Variants in TOX observed in about 807,000 individuals in gnomAD.
The protein encoded by TOX is thymocyte selection associated high mobility group box.
TOX carries 11 observed loss-of-function variants against 53.7 expected under a neutral mutation model. That is an observed-to-expected ratio of 0.20 (90% CI 0.13 to 0.34). TOX has a LOEUF of 0.34. Ranked by LOEUF, TOX falls within the 10% of genes least tolerant of loss-of-function variation. The pLI is 1.00. For synonymous variants in TOX, 225 were observed against 245.3 expected (o/e 0.92, Z 0.77); for missense variants, 570 against 664.6 (o/e 0.86, Z 1.56).
At chr8:59,049,841 A>T (rs1803757085) in intron 1 of TOX, among the ~76,000 whole-genome samples, 1 of 152,160 alleles carries the variant, frequency 6.6e-6, no homozygotes, top group Non-Finnish European at 1.5e-5. Context: ...TTGAAATATG[A>T]GTATTTAGAA....
rs1804938262 is a variant in TOX, at chr8:59,107,664, A to G, written c.102+11222T>C. Reference sequence around the variant, plus strand: ...ACTACAATTTCCCACTACCAGATAGAGAGAGAGTTGGGGACTCCAGCAGTG... The same window carrying G: ...ACTACAATTTCCCACTACCAGATAGGGAGAGAGTTGGGGACTCCAGCAGTG... On this transcript the variant is annotated intron_variant, in intron 1 of 8. Coordinates refer to ENST00000361421, the MANE Select transcript of TOX (RefSeq NM_014729.3). 2.0e-5 allele frequency among the ~76,000 whole-genome samples: 3 copies of G among 152,300 alleles called. No individual in the cohort carries two copies. The South Asian group carries it at 6.2e-4, about 32-fold the overall frequency.
At chr8:58,824,864 A>G in intron 6 of TOX, among the ~76,000 whole-genome samples, 1 of 152,104 alleles carries the variant, frequency 6.6e-6, no homozygotes, top group Non-Finnish European at 1.5e-5. Flanking sequence ...TGAATATACA[A>G]ATGGGGGGTG....
intron 3 of TOX, among the ~76,000 whole-genome samples, chr8:58,884,828 TCA>T (rs1811440534): frequency 6.6e-6 from 1 of 152,188 alleles, no homozygotes; most frequent in Non-Finnish European, 1.5e-5. Flanking sequence ...ACTTTTATAG[TCA>T]CAATCACTTC....
intron 1 of TOX, among the ~76,000 whole-genome samples, chr8:59,092,133 T>C (rs1189095270): frequency 1.3e-5 from 2 of 149,830 alleles, no homozygotes; most frequent in Non-Finnish European, 3.0e-5. Flanking sequence ...GCACCTGTAA[T>C]CCCAGCTACT....
At chr8:59,000,612 CTT>C (rs1813673017) in intron 1 of TOX, among the ~76,000 whole-genome samples, 1 of 152,154 alleles carries the variant, frequency 6.6e-6, no homozygotes. Context: ...GTATAATTAA[CTT>C]GACTCAAATC....
chr8:58,924,213 T>A (rs750111906), intron 3 of TOX, among the ~76,000 whole-genome samples: 1 of 152,200 alleles, frequency 6.6e-6, no homozygotes, highest in African/African-American at 2.4e-5. Flanking sequence ...TAAAAATGCA[T>A]TTTTAGTATT....
intron 1 of TOX, among the ~76,000 whole-genome samples, chr8:59,013,414 T>TA (rs1396469664): frequency 5.1e-4 from 1 of 1,976 alleles, no homozygotes; most frequent in Non-Finnish European, 2.0e-3. Context: ...CAGATAGGCC[T>TA]TTTTTTTTTT....
intron 1 of TOX, among the ~76,000 whole-genome samples, chr8:59,076,622 G>A (rs952190472): frequency 6.6e-6 from 1 of 152,052 alleles, no homozygotes; most frequent in South Asian, 2.1e-4. Flanking sequence ...TTACACAGCT[G>A]ATTTTTTATG....
intron 3 of TOX, among the ~76,000 whole-genome samples, chr8:58,921,170 C>A (rs1185340708): frequency 6.6e-6 from 1 of 152,208 alleles, no homozygotes; most frequent in Non-Finnish European, 1.5e-5. Flanking sequence ...GAAGCTCTTG[C>A]ACCATCTCTT....
At chr8:58,952,426 T>C (rs548011000) in intron 2 of TOX, among the ~76,000 whole-genome samples, 3 of 152,214 alleles carry the variant, frequency 2.0e-5, no homozygotes, top group Non-Finnish European at 2.9e-5. Flanking sequence ...CATGTTATAA[T>C]TGCAAAATTT....
At chr8:59,056,574 C>T (rs1803892722) in intron 1 of TOX, among the ~76,000 whole-genome samples, 1 of 151,946 alleles carries the variant, frequency 6.6e-6, no homozygotes, top group Non-Finnish European at 1.5e-5. Flanking sequence ...TTTACAGTGT[C>T]CCTAGGACTT....
At chr8:58,830,054 CT>C (rs1810426842) in intron 5 of TOX, among the ~76,000 whole-genome samples, 1 of 152,096 alleles carries the variant, frequency 6.6e-6, no homozygotes, top group East Asian at 1.9e-4. Context: ...GTCTCTCACT[CT>C]TAGGGAAAGA....
intron 3 of TOX, among the ~76,000 whole-genome samples, chr8:58,938,005 T>G (rs879386435): frequency 6.6e-6 from 1 of 152,170 alleles, no homozygotes; most frequent in Non-Finnish European, 1.5e-5. Context: ...TTAATACTCA[T>G]AAGCTAAATC....
intron 1 of TOX, among the ~76,000 whole-genome samples, chr8:59,032,176 T>C (rs1431262101): frequency 6.6e-6 from 1 of 152,132 alleles, no homozygotes; most frequent in Non-Finnish European, 1.5e-5. Context: ...AGAAGTGATG[T>C]GAGATTCAAG....
chr8:58,840,148 CT>C (rs1388122610), intron 4 of TOX, among the ~76,000 whole-genome samples: 1 of 151,850 alleles, frequency 6.6e-6, no homozygotes, highest in Admixed American at 6.6e-5. Context: ...AAAGATATAC[CT>C]AAGCACCGAA....
chr8:59,044,230 C>A (rs375052381), intron 1 of TOX, among the ~76,000 whole-genome samples: 89 of 113,920 alleles, frequency 7.8e-4, no homozygotes, highest in South Asian at 2.3e-3. Context: ...TGGCACTCAT[C>A]AAAAAAAAAA....
intron 2 of TOX, among the ~76,000 whole-genome samples, chr8:58,958,689 T>C (rs1812750053): frequency 6.6e-6 from 1 of 152,222 alleles, no homozygotes; most frequent in African/African-American, 2.4e-5. Context: ...TCCAAAAGTA[T>C]TCTTAGAGTG....
At chr8:58,927,374 A>C (rs1585905688) in intron 3 of TOX, among the ~76,000 whole-genome samples, 1 of 152,180 alleles carries the variant, frequency 6.6e-6, no homozygotes, top group African/African-American at 2.4e-5. Flanking sequence ...AAATTTACCA[A>C]GCCTCTACCA....
chr8:59,045,027 A>G (rs1046567489), intron 1 of TOX, among the ~76,000 whole-genome samples: 4 of 152,254 alleles, frequency 2.6e-5, no homozygotes, highest in African/African-American at 9.6e-5. Flanking sequence ...AAAATAGTGC[A>G]CACTCACCTT....
Sources: allele counts gnomAD v4.1 joint callset (sites outside exome capture counted in the v4.1 genomes callset), GRCh38; gene constraint gnomAD v4.1.1; transcripts MANE v1.5; gene names NCBI Gene and HGNC (gene_info 2026-07-23, HGNC 2026-07-21).